ORC4: variants seen among roughly 807,000 people sequenced by gnomAD.
ORC4 encodes origin recognition complex subunit 4.
ORC4 carries 55 observed loss-of-function variants against 63.9 expected under a neutral mutation model. That is an observed-to-expected ratio of 0.86 (90% confidence interval 0.69 to 1.08). The LOEUF (loss-of-function observed/expected upper bound fraction) is 1.08. Among genes scored for constraint, ORC4 ranks in the 50% least tolerant of loss-of-function variants. ORC4 has a pLI of 0.00. For synonymous variants in ORC4, 150 were observed against 168.5 expected, an observed-to-expected ratio of 0.89 and a Z score of 0.85; for missense variants, 511 against 504.4, an observed-to-expected ratio of 1.01 and a Z score of -0.13.
intron 1 of ORC4, among the ~76,000 whole-genome samples, chr2:147,983,151 C>T (rs1221298116): frequency 6.6e-6 from 1 of 152,174 alleles, no homozygotes; most frequent in Non-Finnish European, 1.5e-5. Context: ...TGAAAAGTTT[C>T]TTGACAGCAG....
intron 3 of ORC4, 127 bp downstream of exon 3, chr2:147,973,321 A>T (rs578224579): frequency 1.4e-6 from 1 of 699,838 alleles, no homozygotes; most frequent in Non-Finnish European, 2.6e-6. Context: ...TCACAAAGCA[A>T]AATTTTTTAT....
upstream of ORC4, chr2:148,021,522 G>A (rs1693729922): frequency 1.8e-6 from 1 of 569,744 alleles, no homozygotes; most frequent in Non-Finnish European, 3.4e-6. Context: ...TACTGCTGCT[G>A]CTTGGCCCTG....
chr2:148,006,607 A>T (rs559541130), intron 1 of ORC4, among the ~76,000 whole-genome samples: 1 of 152,234 alleles, frequency 6.6e-6, no homozygotes, highest in East Asian at 1.9e-4. Flanking sequence ...AAAGCAAAAG[A>T]CAGATTTCTG....
intron 6 of ORC4, among the ~76,000 whole-genome samples, chr2:147,955,821 T>A (rs949412295): frequency 1.3e-5 from 2 of 151,946 alleles, no homozygotes; most frequent in African/African-American, 4.8e-5. Flanking sequence ...TGCAAGTCTC[T>A]AATTTGTACT....
intron 8 of ORC4, among the ~76,000 whole-genome samples, chr2:147,951,026 T>C (rs1290773193): frequency 6.6e-6 from 1 of 151,420 alleles, no homozygotes; most frequent in Non-Finnish European, 1.5e-5. Context: ...AATAAAGATA[T>C]GTGGAGCACC....
chr2:147,950,691 G>A (rs548088511), intron 8 of ORC4, among the ~76,000 whole-genome samples: 2 of 149,604 alleles, frequency 1.3e-5, no homozygotes, highest in East Asian at 2.0e-4. Context: ...CTTGAACCCC[G>A]AAGGTGGAGG....
intron 8 of ORC4, among the ~76,000 whole-genome samples, chr2:147,951,098 G>A (rs1487607957): frequency 6.6e-6 from 1 of 152,126 alleles, no homozygotes; most frequent in African/African-American, 2.4e-5. Context: ...TAGAGCACAG[G>A]AAAGGAGGGG....
At chr2:148,005,895 C>A (rs1692598654) in intron 1 of ORC4, among the ~76,000 whole-genome samples, 1 of 151,958 alleles carries the variant, frequency 6.6e-6, no homozygotes, top group African/African-American at 2.4e-5. Context: ...AGGATCACTT[C>A]AGCCCAGGAG....
chr2:147,995,773 A>G (rs1023009326), intron 1 of ORC4, among the ~76,000 whole-genome samples: 1 of 151,276 alleles, frequency 6.6e-6, no homozygotes, highest in Admixed American at 6.6e-5. Context: ...ACATCTGAAC[A>G]AACAAACTCC....
chr2:147,970,433 G>A (rs1690147067), intron 4 of ORC4, among the ~76,000 whole-genome samples: 1 of 152,042 alleles, frequency 6.6e-6, no homozygotes, highest in Non-Finnish European at 1.5e-5. Context: ...TTACCTTAAA[G>A]ACTCACTAAA....
chr2:147,973,638 C>T, intron 2 of ORC4, 114 bp from the exon 3 acceptor site: 1 of 644,794 alleles, frequency 1.6e-6, no homozygotes, highest in South Asian at 2.1e-5. Flanking sequence ...TCAATTCAAC[C>T]CTCCCTAAAT....
intron 6 of ORC4, among the ~76,000 whole-genome samples, chr2:147,957,707 A>T (rs2105312689): frequency 1.3e-5 from 2 of 152,280 alleles, no homozygotes; most frequent in East Asian, 3.9e-4. Context: ...CCATCCAGCA[A>T]ATTATTTTTT....
intron 10 of ORC4, 142 bp from the exon 11 acceptor site, chr2:147,939,390 G>A (rs980332442): frequency 9.2e-6 from 6 of 654,690 alleles, no homozygotes; most frequent in African/African-American, 9.0e-5. Flanking sequence ...AAATTCAGTT[G>A]TATTAAAATA....
At chr2:148,011,792 C>T (rs752775503) in intron 1 of ORC4, among the ~76,000 whole-genome samples, 5 of 152,048 alleles carry the variant, frequency 3.3e-5, no homozygotes, top group Non-Finnish European at 5.9e-5. Context: ...CACAAAAATC[C>T]ATAGAATTTC....
chr2:147,996,013 A>C (rs1375000756), intron 1 of ORC4, among the ~76,000 whole-genome samples: 2 of 151,642 alleles, frequency 1.3e-5, no homozygotes, highest in African/African-American at 2.4e-5. Flanking sequence ...AAAAAAAAAA[A>C]CAAAAAACAG....
intron 9 of ORC4, among the ~76,000 whole-genome samples, chr2:147,944,333 GAAATT>G (rs1236744252): frequency 6.6e-6 from 1 of 152,018 alleles, no homozygotes; most frequent in Non-Finnish European, 1.5e-5. Context: ...GAAAAACTAA[GAAATT>G]AAGAAAGATA....
chr2:147,976,336 T>C (rs999750216), intron 1 of ORC4, among the ~76,000 whole-genome samples: 5 of 152,160 alleles, frequency 3.3e-5, no homozygotes, highest in Admixed American at 6.5e-5. Flanking sequence ...ATTTTCAAAT[T>C]AAGGTATGTA....
intron 9 of ORC4, among the ~76,000 whole-genome samples, chr2:147,945,996 A>G (rs1002803126): frequency 1.3e-5 from 2 of 152,128 alleles, no homozygotes; most frequent in Non-Finnish European, 2.9e-5. Context: ...GTTCTACTTA[A>G]TGAAACTGAC....
intron 1 of ORC4, among the ~76,000 whole-genome samples, chr2:147,993,112 A>T (rs1174906549): frequency 5.9e-5 from 9 of 152,108 alleles, no homozygotes; most frequent in African/African-American, 1.7e-4. Flanking sequence ...GGCTGTCCAG[A>T]CTTTGCTGAA....
Sources: gnomAD v4.1 joint callset for allele counts (sites outside exome capture counted in the v4.1 genomes callset) on GRCh38, gnomAD v4.1.1 for gene constraint, MANE v1.5 for transcripts, NCBI Gene and HGNC (gene_info 2026-07-23, HGNC 2026-07-21) for gene names.